MSH3: variants seen among roughly 807,000 people sequenced by gnomAD.
MSH3 encodes the protein mutS homolog 3.
A neutral mutation model predicts 123.3 loss-of-function variants in MSH3; 106 were observed. That is an observed-to-expected ratio of 0.86 (90% CI 0.73 to 1.01). MSH3 has a LOEUF of 1.01. MSH3 is among the 50% of genes least tolerant of loss of function. The probability of loss-of-function intolerance (pLI) is 0.00; values close to 1 mark genes in which losing one functional copy is unlikely to be tolerated. For synonymous variants in MSH3, 515 were observed against 481.4 expected (o/e 1.07, Z -0.91); for missense variants, 1,459 against 1,347.6 (o/e 1.08, Z -1.29).
At chr5:80,869,722 T>TTA (rs1166584594) in intron 22 of MSH3, among the ~76,000 whole-genome samples, 1 of 148,058 alleles carries the variant, frequency 6.8e-6, no homozygotes, top group Non-Finnish European at 1.5e-5. Flanking sequence ...ATATTATACA[T>TTA]TATATATATA....
chr5:80,688,895 A>G (rs863214), intron 8 of MSH3, among the ~76,000 whole-genome samples: 37,526 of 152,054 alleles, frequency 0.25, 4,740 homozygotes, highest in Middle Eastern at 0.33. Context: ...CAGTTCTATC[A>G]AAGTTTAATA....
intron 20 of MSH3, among the ~76,000 whole-genome samples, chr5:80,844,823 C>T (rs1162333152): frequency 6.6e-6 from 1 of 152,102 alleles, no homozygotes; most frequent in Non-Finnish European, 1.5e-5. Context: ...CTCCTGAATA[C>T]AGCACACTGA....
At chr5:80,753,269 G>A (rs1743867902) in intron 12 of MSH3, among the ~76,000 whole-genome samples, 1 of 152,110 alleles carries the variant, frequency 6.6e-6, no homozygotes, top group African/African-American at 2.4e-5. Flanking sequence ...GGCTTCCAGG[G>A]ATGGCAGGGG....
At chr5:80,808,868 T>TATATATCTATATATATATCTATATATAG (rs1561485190) in intron 19 of MSH3, among the ~76,000 whole-genome samples, 11 of 125,450 alleles carry the variant, frequency 8.8e-5, no homozygotes, top group Non-Finnish European at 1.6e-4. Flanking sequence ...CATATATATA[T>TATATATCTATATATATATCTATATATAG]ATATATATAT....
intron 11 of MSH3, among the ~76,000 whole-genome samples, chr5:80,743,164 C>T (rs1743648261): frequency 6.6e-6 from 1 of 152,126 alleles, no homozygotes. Context: ...TCCCTCCTCT[C>T]TTGTCTGAGC....
intron 12 of MSH3, among the ~76,000 whole-genome samples, chr5:80,746,006 T>G (rs183401788): frequency 6.6e-6 from 1 of 152,130 alleles, no homozygotes; most frequent in East Asian, 1.9e-4. Flanking sequence ...ATGCCAACTT[T>G]AAAAGGTCAC....
At chr5:80,678,810 GA>G in intron 7 of MSH3, 116 bp from the exon 8 acceptor site, 1 of 1,100,346 alleles carries the variant, frequency 9.1e-7, no homozygotes, top group Non-Finnish European at 1.4e-6. Context: ...TTTAGAAATA[GA>G]GTACATACAT....
At chr5:80,745,996 A>C (rs999446393) in intron 12 of MSH3, among the ~76,000 whole-genome samples, 1 of 151,932 alleles carries the variant, frequency 6.6e-6, no homozygotes, top group African/African-American at 2.4e-5. Flanking sequence ...TTTTTTTACA[A>C]TGCCAACTTT....
chr5:80,860,018 G>A (rs890590494), intron 21 of MSH3, among the ~76,000 whole-genome samples: 42 of 151,950 alleles, frequency 2.8e-4, no homozygotes, highest in African/African-American at 9.7e-4. Flanking sequence ...AGTAATGCAC[G>A]TATTTTTTAA....
At chr5:80,822,837 C>T (rs6151891) in intron 20 of MSH3, among the ~76,000 whole-genome samples, 58 of 152,330 alleles carry the variant, frequency 3.8e-4, no homozygotes, top group Admixed American at 3.2e-3. Flanking sequence ...TGCACATCCT[C>T]CTCCATGCTG....
intron 3 of MSH3, among the ~76,000 whole-genome samples, chr5:80,666,312 T>G (rs1749568439): frequency 6.6e-6 from 1 of 152,194 alleles, no homozygotes; most frequent in Admixed American, 6.5e-5. Flanking sequence ...TCATTGAAAT[T>G]CTAATGAAAG....
chr5:80,713,238 G>A (rs1430257028), intron 8 of MSH3, among the ~76,000 whole-genome samples: 1 of 152,122 alleles, frequency 6.6e-6, no homozygotes, highest in Non-Finnish European at 1.5e-5. Context: ...TTATTTCCAA[G>A]CAGACATTAA....
chr5:80,851,090 A>AT (rs1294474988), intron 20 of MSH3, among the ~76,000 whole-genome samples: 11 of 152,162 alleles, frequency 7.2e-5, no homozygotes, highest in African/African-American at 2.2e-4. Flanking sequence ...GTTTTTCATC[A>AT]TAGTACTGTT....
intron 8 of MSH3, among the ~76,000 whole-genome samples, chr5:80,721,718 A>G (rs1400859963): frequency 3.9e-5 from 6 of 152,218 alleles, no homozygotes; most frequent in African/African-American, 1.4e-4. Context: ...GGCAGGATTT[A>G]GGGAGACTGA....
intron 8 of MSH3, among the ~76,000 whole-genome samples, chr5:80,724,122 A>G (rs1208799886): frequency 1.3e-5 from 2 of 152,218 alleles, no homozygotes; most frequent in Non-Finnish European, 2.9e-5. Context: ...CTACAACTGT[A>G]ACTAAAGTTT....
At chr5:80,778,981 T>A in intron 17 of MSH3, 145 bp downstream of exon 17, 12 of 163,108 alleles carry the variant, frequency 7.4e-5, no homozygotes, top group Non-Finnish European at 1.2e-4. Flanking sequence ...ATTTTATTTC[T>A]TTTTTTTTTT....
intron 8 of MSH3, among the ~76,000 whole-genome samples, chr5:80,705,665 T>C (rs1220468129): frequency 3.3e-5 from 5 of 152,184 alleles, no homozygotes; most frequent in Non-Finnish European, 7.3e-5. Flanking sequence ...AGTAAAAATA[T>C]CAAAGTATGA....
At position 80,744,576 on chromosome 5, in the gene MSH3, A is replaced by G. The variant is rs762918386; in HGVS notation, c.1724A>G (p.Lys575Arg). ...ACTAAAACTTCATTTGGGAGACGGA[A>G]GTTAAAGAAGTGGGTGACCCAGCCA... is the stretch of plus-strand genomic sequence containing the variant. ...DHTKTSFGRR[K>R]LKKWVTQPLL... Residue 575 changes from lysine to arginine, a missense_variant, in exon 12 of 24, where the codon AAG (lysine) becomes AGG (arginine). Coordinates refer to ENST00000265081, the MANE Select transcript of MSH3 (RefSeq NM_002439.5). The G allele has an allele frequency of 6.2e-7, 1 of 1,613,870 alleles. No homozygotes were observed. The highest frequency in any genetic ancestry group is 8.5e-7 in the Non-Finnish European group (1 of 1,179,876).
intron 17 of MSH3, among the ~76,000 whole-genome samples, chr5:80,780,247 A>G (rs1744386191): frequency 6.6e-6 from 1 of 152,192 alleles, no homozygotes; most frequent in Admixed American, 6.5e-5. Context: ...GGCTGATGTC[A>G]AGCTACCACT....
Sources: allele counts gnomAD v4.1 joint callset (sites outside exome capture counted in the v4.1 genomes callset), GRCh38; gene constraint gnomAD v4.1.1; transcripts MANE v1.5; gene names NCBI Gene and HGNC (gene_info 2026-07-23, HGNC 2026-07-21).